The following CCSER1 variants were observed in gnomAD, a reference collection of about 807,000 sequenced individuals.
CCSER1 encodes serine-rich coiled-coil domain-containing protein 1.
CCSER1 carries 41 observed loss-of-function variants against 82.0 expected under a neutral mutation model. The observed-to-expected ratio is 0.50, with a 90% CI of 0.39 to 0.65. CCSER1 has a LOEUF of 0.65. CCSER1 is among the 30% of genes least tolerant of loss of function. The pLI, the probability that CCSER1 is intolerant of heterozygous loss-of-function variation, is 0.00. For missense variants in CCSER1, 1,119 were observed against 1,064.2 expected (o/e 1.05, Z -0.72); for synonymous variants, 414 against 383.9 (o/e 1.08, Z -0.92).
At chr4:90,586,141 C>T (rs925070813) in intron 5 of CCSER1, among the ~76,000 whole-genome samples, 4 of 152,098 alleles carry the variant, frequency 2.6e-5, no homozygotes, top group Admixed American at 2.6e-4. Context: ...CTGAGCTCCA[C>T]CTCCTGTCAG....
intron 5 of CCSER1, among the ~76,000 whole-genome samples, chr4:90,618,015 T>C (rs1416760058): frequency 1.3e-5 from 2 of 152,036 alleles, no homozygotes; most frequent in Non-Finnish European, 2.9e-5. Flanking sequence ...CTTGGTGTAA[T>C]ATGGAAAATC....
chr4:90,550,385 C>T lies in CCSER1; in HGVS notation c.1725-77640C>T, dbSNP rs556637196. The stretch of plus-strand genomic sequence containing the variant: ...TCATGAAATTTATTTTCTTTATTTA[C>T]TTAGTAATCCTATTAGTTCCTGTTT... On this transcript the variant is annotated intron_variant, in intron 5 of 10. Coordinates refer to ENST00000509176, the MANE Select transcript of CCSER1 (RefSeq NM_001145065.2). 3.9e-5 allele frequency among the ~76,000 whole-genome samples: 6 copies of T among 152,170 alleles called. No individual in the cohort carries two copies. The South Asian group carries it at 1.2e-3, about 32-fold the overall frequency.
chr4:91,364,498 C>T (rs1749472047), intron 10 of CCSER1, among the ~76,000 whole-genome samples: 3 of 151,944 alleles, frequency 2.0e-5, no homozygotes, highest in Non-Finnish European at 4.4e-5. Context: ...AGAGATTTCC[C>T]ATAATAAATG....
At chr4:91,053,241 G>A (rs1743159727) in intron 9 of CCSER1, among the ~76,000 whole-genome samples, 1 of 152,090 alleles carries the variant, frequency 6.6e-6, no homozygotes, top group Admixed American at 6.6e-5. Flanking sequence ...ATATACACCT[G>A]CTGTCACTAT....
chr4:90,608,888 G>A (rs1360772667), intron 5 of CCSER1, among the ~76,000 whole-genome samples: 3 of 151,892 alleles, frequency 2.0e-5, no homozygotes, highest in Admixed American at 2.0e-4. Context: ...TTATAATAAA[G>A]AAAATACCTT....
intron 8 of CCSER1, among the ~76,000 whole-genome samples, chr4:90,858,652 T>C (rs1408868226): frequency 1.3e-5 from 2 of 151,886 alleles, no homozygotes; most frequent in Non-Finnish European, 2.9e-5. Flanking sequence ...AGGAAAATAA[T>C]GAATAAAATC....
chr4:90,781,594 G>T, intron 7 of CCSER1: 1 of 976,488 alleles, frequency 1.0e-6, no homozygotes, highest in East Asian at 1.1e-4. Context: ...TTCCTTATAA[G>T]ATTGAAAACA....
At chr4:90,575,214 G>A (rs1416029338) in intron 5 of CCSER1, among the ~76,000 whole-genome samples, 4 of 152,142 alleles carry the variant, frequency 2.6e-5, no homozygotes, top group Admixed American at 6.5e-5. Flanking sequence ...ATAATGAATG[G>A]AAATTTATTT....
At chr4:91,564,253 C>T (rs1762783441) in intron 10 of CCSER1, among the ~76,000 whole-genome samples, 1 of 151,844 alleles carries the variant, frequency 6.6e-6, no homozygotes, top group Admixed American at 6.6e-5. Flanking sequence ...CATAGTATTC[C>T]ATGGTGTATA....
chr4:91,086,476 AACT>A (rs1723407960), intron 10 of CCSER1, among the ~76,000 whole-genome samples: 1 of 152,074 alleles, frequency 6.6e-6, no homozygotes, highest in Admixed American at 6.6e-5. Flanking sequence ...GTAATTTTAA[AACT>A]AACTGAATGT....
At chr4:91,113,283 CCTT>C (rs1726245853) in intron 10 of CCSER1, among the ~76,000 whole-genome samples, 1 of 152,110 alleles carries the variant, frequency 6.6e-6, no homozygotes, top group Non-Finnish European at 1.5e-5. Flanking sequence ...GCAAGGGAGA[CCTT>C]CTTGAGATTT....
intron 8 of CCSER1, among the ~76,000 whole-genome samples, chr4:90,840,061 C>T (rs887763635): frequency 1.3e-5 from 2 of 151,748 alleles, no homozygotes; most frequent in South Asian, 4.1e-4. Context: ...TATAACATAG[C>T]ATTTATTTTA....
chr4:90,831,094 C>G (rs1025002962), intron 8 of CCSER1, among the ~76,000 whole-genome samples: 2 of 151,966 alleles, frequency 1.3e-5, no homozygotes, highest in Non-Finnish European at 2.9e-5. Flanking sequence ...ATCTCATTAG[C>G]TAACAAGCAG....
intron 10 of CCSER1, among the ~76,000 whole-genome samples, chr4:91,462,726 C>A (rs112904983): frequency 5.9e-5 from 9 of 152,260 alleles, no homozygotes; most frequent in African/African-American, 2.2e-4. Flanking sequence ...GTGCCTGGCT[C>A]GGAGGGTCCC....
At chr4:91,427,923 TC>T (rs35643250) in intron 10 of CCSER1, among the ~76,000 whole-genome samples, 116,025 of 151,776 alleles carry the variant, frequency 0.76, 44,589 homozygotes, top group East Asian at 0.88. Context: ...CCATGCTTAG[TC>T]CAGGGATATA....
At chr4:91,539,749 A>G (rs551268094) in intron 10 of CCSER1, among the ~76,000 whole-genome samples, 29 of 151,952 alleles carry the variant, frequency 1.9e-4, no homozygotes, top group Admixed American at 1.8e-3. Context: ...TAATCAGTCT[A>G]TCTATCACCA....
At chr4:90,567,230 A>C (rs1779509482) in intron 5 of CCSER1, among the ~76,000 whole-genome samples, 1 of 151,026 alleles carries the variant, frequency 6.6e-6, no homozygotes, top group Non-Finnish European at 1.5e-5. Context: ...TTCTTCTATA[A>C]ACTTCCCCTT....
rs147126262 is a variant in CCSER1, at chr4:90,717,043, C to T, written c.1933-6871C>T. Among the ~76,000 whole-genome samples, 14 of 152,232 alleles carry T rather than the reference C, an allele frequency of 9.2e-5. No homozygotes were observed. In the East Asian group the frequency reaches 2.7e-3, roughly 29 times the overall value. Reference sequence around the variant, plus strand: ...ACTTCAGTCAATTCAGACAGAAACACGTTCTTATGACCTCTGGTGTGTTAG... The same window carrying T: ...ACTTCAGTCAATTCAGACAGAAACATGTTCTTATGACCTCTGGTGTGTTAG... On this transcript the variant is annotated intron_variant, in intron 6 of 10. Transcript: ENST00000509176.
intron 10 of CCSER1, among the ~76,000 whole-genome samples, chr4:91,439,902 CAAG>C: frequency 6.6e-6 from 1 of 152,300 alleles, no homozygotes; most frequent in East Asian, 1.9e-4. Context: ...ATCACTACAA[CAAG>C]AAGAACTAAC....
Sources: gnomAD v4.1 joint callset for allele counts (sites outside exome capture counted in the v4.1 genomes callset) on GRCh38, gnomAD v4.1.1 for gene constraint, MANE v1.5 for transcripts, NCBI Gene and HGNC (gene_info 2026-07-23, HGNC 2026-07-21) for gene names.